Variants in NOTCH3 observed in about 807,000 individuals in gnomAD.
NOTCH3 encodes notch receptor 3.
NOTCH3 carries 86 observed loss-of-function variants against 213.3 expected under a neutral mutation model. The observed-to-expected ratio is 0.40, with a 90% CI of 0.34 to 0.48. The LOEUF is 0.48. Ranked by LOEUF, NOTCH3 falls within the 20% of genes least tolerant of loss-of-function variation. The probability of loss-of-function intolerance (pLI) is 0.57; values close to 1 mark genes in which losing one functional copy is unlikely to be tolerated. For missense variants in NOTCH3, 2,783 were observed against 3,272.6 expected (o/e 0.85, Z 3.65); for synonymous variants, 1,354 against 1,355.9 (o/e 1.00, Z 0.03).
chr19:15,170,935 A>C, intron 25 of NOTCH3, 110 bp from the exon 26 acceptor site: 9 of 1,225,146 alleles, frequency 7.3e-6, no homozygotes, highest in African/African-American at 1.5e-5. Context: ...CGCCATCTCC[A>C]CCCACAGGTC....
rs1301248585 is a variant in NOTCH3 at position 15,184,406 on chromosome 19, G to C, written c.2455C>G (p.Pro819Ala). The C allele has an allele frequency of 3.1e-6, 5 of 1,613,780 alleles. No individual in the cohort carries two copies. In the African/African-American group the frequency reaches 6.7e-5, roughly 22 times the overall value. ...GTGCAGATACCATGAGGGCCACAGG[G>C]TGCGGGGCCAGCACACTCGTCCACA... ...QDVDECAGPA[P>A]CGPHGICTNL... is the part of the protein sequence containing the mutation. Residue 819 changes from proline to alanine, a missense_variant, in exon 16 of 33, where the codon CCC becomes GCC. Coordinates refer to ENST00000263388, the MANE Select transcript of NOTCH3 (RefSeq NM_000435.3).
chr19:15,164,330 A>C (rs926402513), intron 31 of NOTCH3, among the ~76,000 whole-genome samples: 13 of 152,136 alleles, frequency 8.5e-5, no homozygotes, highest in African/African-American at 3.1e-4. Context: ...ACCTGAGGTC[A>C]GGAGTTTGAG....
At chr19:15,170,195 T>A (rs1284430129) in intron 27 of NOTCH3, 25 bp from the exon 28 acceptor site, 1 of 1,560,344 alleles carries the variant, frequency 6.4e-7, no homozygotes, top group Non-Finnish European at 8.8e-7. Flanking sequence ...GAAGAGGGGA[T>A]GTGAGGGGGA....
intron 16 of NOTCH3, among the ~76,000 whole-genome samples, chr19:15,182,484 G>GCGA (rs2046848790): frequency 6.8e-6 from 1 of 147,680 alleles, no homozygotes; most frequent in Non-Finnish European, 1.5e-5. Flanking sequence ...TCCAGTCTGG[G>GCGA]CGACAGAGTG....
intron 31 of NOTCH3, among the ~76,000 whole-genome samples, chr19:15,164,438 G>A (rs1219033853): frequency 6.6e-6 from 1 of 151,628 alleles, no homozygotes; most frequent in African/African-American, 2.4e-5. Context: ...ACACTTGGGA[G>A]GCTGAGACAG....
At chr19:15,200,742 C>A (rs1310521071) in intron 1 of NOTCH3, 46 bp downstream of exon 1, 1 of 1,231,196 alleles carries the variant, frequency 8.1e-7, no homozygotes, top group Non-Finnish European at 1.0e-6. Flanking sequence ...TTCTTGCACT[C>A]CCCCTCTGCC....
At chr19:15,193,454 C>T (rs1193314060) in intron 2 of NOTCH3, among the ~76,000 whole-genome samples, 1 of 151,940 alleles carries the variant, frequency 6.6e-6, no homozygotes, top group African/African-American at 2.4e-5. Flanking sequence ...CTGAATTATC[C>T]ACCTGGGCCC....
Position 15,187,955 on chromosome 19 carries a change from C to A in NOTCH3, c.1532G>T (p.Cys511Phe). 1.3e-6 allele frequency: 2 copies of A among 1,550,740 alleles called. No individual in the cohort carries two copies. Among genetic ancestry groups the A allele is most frequent in the Non-Finnish European group, 1.7e-6 (2 of 1,146,992 alleles). Residue 511 changes from cysteine (C) to phenylalanine (F), a missense_variant, in exon 10 of 33, where the codon TGC (cysteine) becomes TTC (phenylalanine). By Grantham distance (205) the Cys-to-Phe change is radical. This residue lies in a region of NOTCH3 where 708 missense variants were observed against 906.6 expected (regional missense o/e 0.78). Coordinates refer to ENST00000263388, the MANE Select transcript of NOTCH3 (RefSeq NM_000435.3). ...GCCATTCCTGCAGGGCGTGCTGGCG[C>A]ATTCGTCCACGTCCAGCTGACACGT... ...GSTCQLDVDE[C>F]ASTPCRNGAK... is the part of the protein sequence containing the mutation.
rs1338257010 is a variant in NOTCH3, at chr19:15,189,431, G to A, written c.1037-3C>T. 3.7e-6 allele frequency: 6 copies of A among 1,613,658 alleles called. No homozygotes were observed. The highest frequency in any genetic ancestry group is 5.1e-6 in the Non-Finnish European group (6 of 1,180,038). Reference sequence around the variant, plus strand: ...GTCATCCAGGTGACACAGGAGGCCTGGGAAGTGGTAAGCAGAAGTCATAGG... The same window carrying A: ...GTCATCCAGGTGACACAGGAGGCCTAGGAAGTGGTAAGCAGAAGTCATAGG... On this transcript the variant is annotated splice_region_variant and splice_polypyrimidine_tract_variant and intron_variant, in intron 6 of 32. Transcript: ENST00000263388.
chr19:15,180,731 C>A lies in NOTCH3; in HGVS notation c.3092G>T (p.Arg1031Leu), dbSNP rs1242208956. Residue 1031 changes from arginine (R) to leucine (L), a missense_variant, in exon 19 of 33, where the codon CGC becomes CTC. By Grantham distance (102) the Arg-to-Leu change is moderately radical. Transcript: ENST00000263388. Reference sequence around the variant, plus strand: ...GGGCAAGCTTCGGATGTCACAGAGGCGTCCGCTCCATCCAGGGGGACAAAG... The same window carrying A: ...GGGCAAGCTTCGGATGTCACAGAGGAGTCCGCTCCATCCAGGGGGACAAAG... Reference protein sequence around the residue: ...YCLCPPGWSGRLCDIRSLPCR... With the variant: ...YCLCPPGWSGLLCDIRSLPCR... 1.9e-6 allele frequency: 3 copies of A among 1,573,326 alleles called. No homozygotes were observed. Among genetic ancestry groups the A allele is most frequent in the Non-Finnish European group, 1.7e-6 (2 of 1,159,986 alleles).
In NOTCH3 at chr19:15,187,119, G is replaced by A. The variant is rs754644233; in HGVS notation, c.1826C>T (p.Pro609Leu). The change falls in exon 11 of 33, where the codon CCT becomes CTT. Residue 609 changes from proline (P) to leucine (L), a missense_variant. Coordinates refer to ENST00000263388, the MANE Select transcript of NOTCH3 (RefSeq NM_000435.3). ...CCCGGTCCCACCTGTGGTCCCAGAA[G>A]GGCAGCGGCAGAGGTACTTGTCCAC... ...DLVDKYLCRC[P>L]SGTTGVNCEV... 1.2e-5 allele frequency: 20 copies of A among 1,613,890 alleles called. No individual in the cohort carries two copies. The highest frequency in any genetic ancestry group is 3.3e-4 in the Middle Eastern group (2 of 6,084).
At chr19:15,195,653 G>A (rs2046963988) in intron 2 of NOTCH3, among the ~76,000 whole-genome samples, 1 of 151,858 alleles carries the variant, frequency 6.6e-6, no homozygotes, top group Admixed American at 6.5e-5. Flanking sequence ...CGTTGGGAGG[G>A]GAGGGCACAG....
chr19:15,182,555 C>G (rs926050439), intron 16 of NOTCH3, among the ~76,000 whole-genome samples: 1 of 150,992 alleles, frequency 6.6e-6, no homozygotes, highest in Non-Finnish European at 1.5e-5. Flanking sequence ...CAATTTTATA[C>G]TGGTTACATG....
At position 15,178,228 on chromosome 19, in the gene NOTCH3, T is replaced by C. The variant is rs2046808990; in HGVS notation, c.3838-138A>G. On this transcript the variant is annotated intron_variant, in intron 23 of 32. Transcript: ENST00000263388. ...GAGAAGAGGTCAAGACTAAGGAAGG[T>C]TGAGACCCCCTCAACCTCCCCATGT... is the stretch of plus-strand genomic sequence containing the variant. 4 of 585,498 alleles carry C rather than the reference T, an allele frequency of 6.8e-6. No individual in the cohort carries two copies. The South Asian group carries it at 8.7e-5, about 13-fold the overall frequency. The allele number at this position is 585,498 out of a possible 1,614,324, so 36.3% of individuals were successfully genotyped here.
In NOTCH3 at chr19:15,178,093, G is replaced by A. The variant is rs2145415883; in HGVS notation, c.3838-3C>T. 6.6e-6 allele frequency: 10 copies of A among 1,519,206 alleles called. No homozygotes were observed. Among genetic ancestry groups the A allele is most frequent in the Non-Finnish European group, 8.8e-6 (10 of 1,138,514 alleles). 94.1% of individuals were successfully genotyped at this position (1,519,206 alleles called of 1,614,324 possible). A position where few individuals can be genotyped will look rare whatever the true frequency, so the allele number is the denominator to read the frequency against. On this transcript the variant is annotated splice_region_variant and splice_polypyrimidine_tract_variant and intron_variant, in intron 23 of 32. Transcript: ENST00000263388. ...TCGCAACGCGGACCCCAGAACGGCT[G>A]GGGGTCGGGTTTGGGGAGGGAGGGA... is the stretch of plus-strand genomic sequence containing the variant.
chr19:15,195,709 C>A (rs1011914452), intron 2 of NOTCH3, among the ~76,000 whole-genome samples: 3 of 151,770 alleles, frequency 2.0e-5, no homozygotes, highest in Non-Finnish European at 4.4e-5. Context: ...ACTGCGGCCC[C>A]GACCGCGCGT....
chr19:15,161,720 G>A lies in NOTCH3; in HGVS notation c.5914-6C>T. ...AGGAATAGGGGGGTCTCCTCCTGGG[G>A]GGCCAGAACCCACAGAGGTCAGCGA... On this transcript the variant is annotated splice_region_variant and splice_polypyrimidine_tract_variant and intron_variant, in intron 32 of 32. Transcript: ENST00000263388. 1.2e-6 allele frequency: 2 copies of A among 1,612,770 alleles called. No homozygotes were observed. The highest frequency in any genetic ancestry group is 1.1e-5 in the South Asian group (1 of 90,938).
Position 15,161,212 on chromosome 19 carries a change from T to G in NOTCH3, c.6416A>C (p.Gln2139Pro). The change falls in exon 33 of 33, where the codon CAG becomes CCG. Residue 2139 changes from glutamine to proline, a missense_variant. Physicochemically the swap from Gln to Pro is moderately conservative, Grantham distance 76 (BLOSUM62 -1). This residue lies in a region of NOTCH3 where 441 missense variants were observed against 432.1 expected (regional missense o/e 1.02). Transcript: ENST00000263388. ...AATATAVSLA[Q>P]LGGPGRAGLG... Reference sequence around the variant, plus strand: ...ACCCGCCCGGCCTGGGCCACCAAGCTGTGCCAGAGACACTGCAGTGGCAGT... The same window carrying G: ...ACCCGCCCGGCCTGGGCCACCAAGCGGTGCCAGAGACACTGCAGTGGCAGT... 6.5e-7 allele frequency: 1 copy of G among 1,545,312 alleles called. No individual in the cohort carries two copies. Among genetic ancestry groups the G allele is most frequent in the South Asian group, 1.2e-5 (1 of 84,454 alleles).
intron 23 of NOTCH3, 107 bp from the exon 24 acceptor site, chr19:15,178,197 G>C (rs976487271): frequency 2.9e-6 from 2 of 686,104 alleles, no homozygotes; most frequent in Admixed American, 2.7e-5. Context: ...GGGGAGAGAG[G>C]GGGAAGAGAA....
Sources: gnomAD v4.1 joint callset for allele counts (sites outside exome capture counted in the v4.1 genomes callset) on GRCh38, gnomAD v4.1.1 for gene constraint, gnomAD v4.1.1 regional missense constraint, MANE v1.5 for transcripts, NCBI Gene and HGNC (gene_info 2026-07-23, HGNC 2026-07-21) for gene names.